OSBPL1A: variants seen among roughly 807,000 people sequenced by gnomAD.
OSBPL1A encodes the protein oxysterol-binding protein-related protein 1.
In OSBPL1A, 80 loss-of-function variants were observed where a neutral mutation model predicts 137.1. That is an observed-to-expected ratio of 0.58 (90% CI 0.49 to 0.70). The LOEUF (loss-of-function observed/expected upper bound fraction) is 0.70, where lower values mean the gene tolerates loss of function less well. Among genes scored for constraint, OSBPL1A ranks in the 30% least tolerant of loss-of-function variants. OSBPL1A has a pLI of 0.00. For missense variants in OSBPL1A, 970 were observed against 1,129.4 expected, an observed-to-expected ratio of 0.86 and a Z score of 2.02; for synonymous variants, 365 against 389.7, an observed-to-expected ratio of 0.94 and a Z score of 0.75.
At chr18:24,379,560 G>A (rs188033027) in intron 1 of OSBPL1A, among the ~76,000 whole-genome samples, 49 of 151,492 alleles carry the variant, frequency 3.2e-4, no homozygotes, top group Non-Finnish European at 5.9e-4. Flanking sequence ...GGTCCAGGAG[G>A]TCAAACATTG....
intron 17 of OSBPL1A, among the ~76,000 whole-genome samples, chr18:24,203,267 G>A (rs1041107082): frequency 1.1e-4 from 17 of 152,130 alleles, no homozygotes; most frequent in African/African-American, 3.6e-4. Flanking sequence ...ATGAGCCACC[G>A]TGCTTGGCCA....
intron 14 of OSBPL1A, among the ~76,000 whole-genome samples, chr18:24,287,226 T>C (rs1035453845): frequency 2.6e-5 from 4 of 152,184 alleles, no homozygotes; most frequent in East Asian, 1.9e-4. Context: ...TCACTTCTGA[T>C]TGAATTGTCC....
chr18:24,383,935 T>TC, intron 1 of OSBPL1A, among the ~76,000 whole-genome samples: 1 of 152,204 alleles, frequency 6.6e-6, no homozygotes, highest in Non-Finnish European at 1.5e-5. Context: ...GATAAGATGG[T>TC]CCCTGCCCTC....
At chr18:24,203,751 GCACA>G (rs760970634) in intron 17 of OSBPL1A, among the ~76,000 whole-genome samples, 1 of 152,122 alleles carries the variant, frequency 6.6e-6, no homozygotes, top group African/African-American at 2.4e-5. Flanking sequence ...ATGCATGTGT[GCACA>G]CACAAAGGGG....
At chr18:24,181,114 G>C (rs1311456004) in intron 19 of OSBPL1A, 31 bp downstream of exon 19, 1 of 1,608,134 alleles carries the variant, frequency 6.2e-7, no homozygotes, top group East Asian at 2.2e-5. Flanking sequence ...AGGTCTCTAA[G>C]AGTTAGACCT....
intron 24 of OSBPL1A, among the ~76,000 whole-genome samples, chr18:24,169,671 T>C (rs1284120851): frequency 6.6e-6 from 1 of 152,226 alleles, no homozygotes; most frequent in Non-Finnish European, 1.5e-5. Flanking sequence ...TCTTGGTTAC[T>C]GGAAAGGAAT....
intron 21 of OSBPL1A, among the ~76,000 whole-genome samples, chr18:24,175,104 GTATGTATA>G (rs1179073303): frequency 2.8e-4 from 12 of 42,718 alleles, no homozygotes; most frequent in East Asian, 1.6e-3. Flanking sequence ...TTTGCCATGT[GTATGTATA>G]TATATATATA....
intron 12 of OSBPL1A, 136 bp downstream of exon 12, chr18:24,314,113 A>T: frequency 1.9e-6 from 1 of 540,476 alleles, no homozygotes; most frequent in Non-Finnish European, 3.1e-6. Context: ...TCAAAAACAT[A>T]AATAAATAAA....
chr18:24,181,348 C>T, intron 18 of OSBPL1A, 69 bp from the exon 19 acceptor site: 1 of 1,486,472 alleles, frequency 6.7e-7, no homozygotes, highest in Non-Finnish European at 9.2e-7. Flanking sequence ...GTTATCTTTA[C>T]ATAACATCCT....
At chr18:24,260,222 TG>T (rs2089410182) in intron 15 of OSBPL1A, among the ~76,000 whole-genome samples, 1 of 152,182 alleles carries the variant, frequency 6.6e-6, no homozygotes, top group Non-Finnish European at 1.5e-5. Flanking sequence ...CTGATGGGAA[TG>T]TAAAACGTCA....
Position 24,166,818 on chromosome 18 carries a change from A to G in OSBPL1A, c.2536-116T>C, listed in dbSNP as rs544413600. On this transcript the variant is annotated intron_variant, in intron 25 of 27. Coordinates refer to ENST00000319481, the MANE Select transcript of OSBPL1A (RefSeq NM_080597.4). ...TGACCCCCTCCCTTTCATGGTAACA[A>G]TGGTCAGTCTTTCTCAGATCACACG... The G allele has an allele frequency of 5.8e-5, 61 of 1,059,236 alleles. No homozygotes were observed. In the Admixed American group the frequency reaches 1.7e-3, roughly 29 times the overall value. 65.6% of individuals were successfully genotyped at this position (1,059,236 alleles called of 1,614,324 possible). A position where few individuals can be genotyped will look rare whatever the true frequency, so the allele number is the denominator to read the frequency against.
At chr18:24,284,413 G>A (rs892711376) in intron 14 of OSBPL1A, among the ~76,000 whole-genome samples, 6 of 152,092 alleles carry the variant, frequency 3.9e-5, no homozygotes, top group South Asian at 2.1e-4. Flanking sequence ...GTTATTTTTC[G>A]TACTAAAAAC....
intron 15 of OSBPL1A, among the ~76,000 whole-genome samples, chr18:24,253,231 AT>A (rs1440237292): frequency 6.7e-6 from 1 of 150,188 alleles, no homozygotes; most frequent in Admixed American, 6.7e-5. Flanking sequence ...CAGGAAATGC[AT>A]TTCACCTACA....
intron 17 of OSBPL1A, among the ~76,000 whole-genome samples, chr18:24,206,038 G>A (rs1371386921): frequency 6.6e-6 from 1 of 152,088 alleles, no homozygotes; most frequent in East Asian, 1.9e-4. Context: ...CTACAGGCAT[G>A]TGCCACCGTG....
chr18:24,383,543 G>A (rs1013386736), intron 1 of OSBPL1A, among the ~76,000 whole-genome samples: 6 of 152,184 alleles, frequency 3.9e-5, no homozygotes, highest in Admixed American at 2.6e-4. Flanking sequence ...GGATCACAAG[G>A]TCAAAAGATC....
At chr18:24,198,348 A>G (rs761816058) in intron 17 of OSBPL1A, among the ~76,000 whole-genome samples, 3 of 152,220 alleles carry the variant, frequency 2.0e-5, no homozygotes, top group Non-Finnish European at 4.4e-5. Flanking sequence ...AAATTGTCAG[A>G]GGACTGTCAG....
chr18:24,185,433 C>T (rs1299601276), intron 18 of OSBPL1A, among the ~76,000 whole-genome samples: 2 of 151,814 alleles, frequency 1.3e-5, no homozygotes, highest in African/African-American at 4.8e-5. Flanking sequence ...AATTCTCCTG[C>T]CTCAGCCTCC....
chr18:24,390,518 A>G (rs1599743601), intron 1 of OSBPL1A, among the ~76,000 whole-genome samples: 1 of 151,120 alleles, frequency 6.6e-6, no homozygotes, highest in Non-Finnish European at 1.5e-5. Flanking sequence ...AGACCACGGA[A>G]ACCCCACCTC....
chr18:24,351,682 G>T (rs2091444045), intron 4 of OSBPL1A, among the ~76,000 whole-genome samples: 1 of 152,116 alleles, frequency 6.6e-6, no homozygotes, highest in Non-Finnish European at 1.5e-5. Context: ...GGGGATTATA[G>T]GTGTGTGCCA....
Sources: gnomAD v4.1 joint callset for allele counts (sites outside exome capture counted in the v4.1 genomes callset) on GRCh38, gnomAD v4.1.1 for gene constraint, MANE v1.5 for transcripts, NCBI Gene and HGNC (gene_info 2026-07-23, HGNC 2026-07-21) for gene names.